KCNIP1: variants seen among roughly 807,000 people sequenced by gnomAD.
The protein encoded by KCNIP1 is potassium voltage-gated channel interacting protein 1.
KCNIP1 carries 18 observed loss-of-function variants against 33.0 expected under a neutral mutation model. The observed-to-expected ratio is 0.55, with a 90% CI of 0.38 to 0.81. KCNIP1 has a LOEUF of 0.81. KCNIP1 is among the 30% of genes least tolerant of loss of function. The probability of loss-of-function intolerance (pLI) is 0.00; values close to 1 mark genes in which losing one functional copy is unlikely to be tolerated. For synonymous variants in KCNIP1, 93 were observed against 98.3 expected (o/e 0.95, Z 0.32); for missense variants, 238 against 271.6 (o/e 0.88, Z 0.87).
At chr5:170,358,719 G>A (rs1175366799) in intron 1 of KCNIP1, among the ~76,000 whole-genome samples, 2 of 152,228 alleles carry the variant, frequency 1.3e-5, no homozygotes, top group Non-Finnish European at 2.9e-5. Context: ...TTGTGCCCTA[G>A]GCACCTTCCT....
intron 1 of KCNIP1, among the ~76,000 whole-genome samples, chr5:170,611,509 C>A: frequency 6.6e-6 from 1 of 152,190 alleles, no homozygotes; most frequent in South Asian, 2.1e-4. Flanking sequence ...GATGTGGAAT[C>A]ATCCACATAG....
At chr5:170,650,330 C>T (rs1192116953) in intron 1 of KCNIP1, among the ~76,000 whole-genome samples, 1 of 150,948 alleles carries the variant, frequency 6.6e-6, no homozygotes, top group African/African-American at 2.4e-5. Flanking sequence ...TTCCATCCCT[C>T]CCACCCTGCC....
chr5:170,579,970 A>C (rs567625924), intron 1 of KCNIP1, among the ~76,000 whole-genome samples: 19 of 150,198 alleles, frequency 1.3e-4, no homozygotes, highest in Non-Finnish European at 2.8e-4. Flanking sequence ...CCTAAATAGG[A>C]AAGAAAAAAA....
intron 1 of KCNIP1, among the ~76,000 whole-genome samples, chr5:170,516,558 GGA>G (rs1170638298): frequency 6.6e-6 from 1 of 152,168 alleles, no homozygotes; most frequent in Non-Finnish European, 1.5e-5. Context: ...ATGACTTTGA[GGA>G]TCTCCCCCAC....
intron 1 of KCNIP1, among the ~76,000 whole-genome samples, chr5:170,599,130 A>T (rs1390667790): frequency 6.6e-6 from 1 of 151,814 alleles, no homozygotes; most frequent in Non-Finnish European, 1.5e-5. Context: ...GATAGAACTG[A>T]CTCACTCCTC....
At position 170,413,225 on chromosome 5, in the gene KCNIP1, C is replaced by T. The variant is rs535008616; in HGVS notation, c.88+59261C>T. Among the ~76,000 whole-genome samples, 6 of 152,256 alleles carry T rather than the reference C, an allele frequency of 3.9e-5. No homozygotes were observed. The East Asian group carries it at 7.7e-4, about 20-fold the overall frequency. On this transcript the variant is annotated intron_variant, in intron 1 of 7. Transcript: ENST00000377360. Reference sequence around the variant, plus strand: ...TGCCGACCTGCATTGCGGAGGACTGCGGGGTCTTGGTAGATGAAGCCTGGC... The same window carrying T: ...TGCCGACCTGCATTGCGGAGGACTGTGGGGTCTTGGTAGATGAAGCCTGGC...
chr5:170,594,060 G>T (rs1033564181), intron 1 of KCNIP1, among the ~76,000 whole-genome samples: 1 of 152,120 alleles, frequency 6.6e-6, no homozygotes, highest in Non-Finnish European at 1.5e-5. Flanking sequence ...TGACATTGAG[G>T]GTCCCCCCTC....
intron 1 of KCNIP1, among the ~76,000 whole-genome samples, chr5:170,442,560 C>T (rs1285571563): frequency 6.6e-6 from 1 of 152,128 alleles, no homozygotes; most frequent in Non-Finnish European, 1.5e-5. Context: ...CTAGCTCCGC[C>T]CTGCCCTGTC....
chr5:170,604,982 C>T (rs531659054), intron 1 of KCNIP1, among the ~76,000 whole-genome samples: 11 of 152,384 alleles, frequency 7.2e-5, no homozygotes, highest in African/African-American at 2.6e-4. Flanking sequence ...CTCTTTCCCT[C>T]CTCCAGCTCA....
intron 1 of KCNIP1, among the ~76,000 whole-genome samples, chr5:170,527,949 G>A (rs1474934934): frequency 6.6e-6 from 1 of 151,926 alleles, no homozygotes; most frequent in Non-Finnish European, 1.5e-5. Flanking sequence ...ACAGACACAC[G>A]ACAATTCTGA....
At chr5:170,640,572 A>T (rs1760501599) in intron 1 of KCNIP1, among the ~76,000 whole-genome samples, 1 of 152,206 alleles carries the variant, frequency 6.6e-6, no homozygotes, top group South Asian at 2.1e-4. Context: ...TTTAACCGGT[A>T]CTTCAGGCTT....
At chr5:170,682,873 C>T (rs773069485) in intron 1 of KCNIP1, among the ~76,000 whole-genome samples, 10 of 139,790 alleles carry the variant, frequency 7.2e-5, no homozygotes, top group Non-Finnish European at 1.4e-4. Flanking sequence ...AGGTCATCCA[C>T]CTGCCTTGGC....
intron 1 of KCNIP1, among the ~76,000 whole-genome samples, chr5:170,496,155 G>A (rs536885196): frequency 5.3e-5 from 8 of 152,160 alleles, no homozygotes; most frequent in Non-Finnish European, 1.0e-4. Flanking sequence ...AAGACCCTGC[G>A]TGCACCCTGG....
chr5:170,446,434 G>T (rs1389493305), intron 1 of KCNIP1, among the ~76,000 whole-genome samples: 1 of 151,080 alleles, frequency 6.6e-6, no homozygotes, highest in African/African-American at 2.4e-5. Flanking sequence ...AAAAATCACA[G>T]TGCTGGGTAC....
chr5:170,688,476 C>T (rs1413668685), intron 1 of KCNIP1, among the ~76,000 whole-genome samples: 2 of 152,168 alleles, frequency 1.3e-5, no homozygotes, highest in Non-Finnish European at 1.5e-5. Context: ...ATGGGAAAGT[C>T]ATATTTTTCT....
chr5:170,706,784 C>T (rs2113846718), intron 1 of KCNIP1, among the ~76,000 whole-genome samples: 1 of 152,314 alleles, frequency 6.6e-6, no homozygotes, highest in Middle Eastern at 3.4e-3. Flanking sequence ...GCCCTTTCTC[C>T]CTGGACACTC....
chr5:170,500,391 T>A (rs976012139), upstream of KCNIP1, among the ~76,000 whole-genome samples: 2 of 152,206 alleles, frequency 1.3e-5, no homozygotes, highest in Non-Finnish European at 2.9e-5. Flanking sequence ...CTAGTTCACC[T>A]TCCAGAGTAA....
chr5:170,503,991 G>A (rs1476727144), upstream of KCNIP1: 3 of 552,604 alleles, frequency 5.4e-6, no homozygotes, highest in African/African-American at 2.2e-5. Flanking sequence ...CCCGCCCGCC[G>A]CCCCCTCCGC....
chr5:170,688,477 A>G (rs1399739613), intron 1 of KCNIP1, among the ~76,000 whole-genome samples: 1 of 152,206 alleles, frequency 6.6e-6, no homozygotes, highest in African/African-American at 2.4e-5. Flanking sequence ...TGGGAAAGTC[A>G]TATTTTTCTC....
Sources: allele counts gnomAD v4.1 joint callset (sites outside exome capture counted in the v4.1 genomes callset), GRCh38; gene constraint gnomAD v4.1.1; transcripts MANE v1.5; gene names NCBI Gene and HGNC (gene_info 2026-07-23, HGNC 2026-07-21).